TNR: variants seen among roughly 807,000 people sequenced by gnomAD.
TNR encodes the protein tenascin-R.
Under a neutral mutation model 150.4 loss-of-function variants are expected in TNR, and 45 were observed. The observed-to-expected ratio is 0.30, with a 90% CI of 0.24 to 0.38. TNR has a LOEUF of 0.38. Ranked by LOEUF, TNR falls within the 10% of genes least tolerant of loss-of-function variation. TNR has a pLI of 1.00. For synonymous variants in TNR, 687 were observed against 678.4 expected (o/e 1.01, Z -0.20); for missense variants, 1,544 against 1,759.1 (o/e 0.88, Z 2.19).
chr1:175,401,721 C>A lies in TNR; in HGVS notation c.976+1419G>T, dbSNP rs1011158488. Among the ~76,000 whole-genome samples the A allele has an allele frequency of 2.0e-5, 3 of 152,262 alleles. No homozygotes were observed. The South Asian group carries it at 6.2e-4, about 32-fold the overall frequency. On this transcript the variant is annotated intron_variant, in intron 4 of 22. Coordinates refer to ENST00000367674, the MANE Select transcript of TNR (RefSeq NM_003285.3). ...GCCTGCCACGTAGGAGTGAGTAACT[C>A]TGGCTTACAGAAGTCTGGTGAATCC...
In TNR at chr1:175,547,100, G is replaced by A. The variant is rs149042477; in HGVS notation, c.-164-18731C>T. On this transcript the variant is annotated intron_variant, in intron 1 of 22. Transcript: ENST00000367674. The stretch of plus-strand genomic sequence containing the variant: ...CCAGACAGGCACAGCATACACATTA[G>A]CTTTCTTATGTATGGCAGAGGTCCT... Among the ~76,000 whole-genome samples, 556 of 152,348 alleles carry A rather than the reference G, an allele frequency of 3.6e-3. 5 individuals carry two copies. Among genetic ancestry groups the A allele is most frequent in the Middle Eastern group, 0.017 (5 of 294 alleles).
rs114095843 is a variant in TNR, at chr1:175,538,223, G to A, written c.-164-9854C>T. ...AACCTGTGGAAAATGGGAAGGGGAGGTACAAGATCAAAGCAGAGAGTGGCC... is the reference window on the plus strand; with the variant it reads ...AACCTGTGGAAAATGGGAAGGGGAGATACAAGATCAAAGCAGAGAGTGGCC... On this transcript the variant is annotated intron_variant, in intron 1 of 22. Coordinates refer to ENST00000367674, the MANE Select transcript of TNR (RefSeq NM_003285.3). Among the ~76,000 whole-genome samples, 874 of 152,196 alleles carry A rather than the reference G, an allele frequency of 5.7e-3. 6 individuals carry two copies. The highest frequency in any genetic ancestry group is 0.02 in the African/African-American group (831 of 41,518).
intron 1 of TNR, among the ~76,000 whole-genome samples, chr1:175,721,397 T>C (rs1275350907): frequency 1.3e-5 from 2 of 152,172 alleles, no homozygotes; most frequent in African/African-American, 4.8e-5. Flanking sequence ...GCTCAACAAA[T>C]ATGTGTGGGC....
intron 1 of TNR, among the ~76,000 whole-genome samples, chr1:175,586,966 A>T (rs73050432): frequency 0.026 from 3,903 of 152,348 alleles, 157 homozygotes; most frequent in African/African-American, 0.088. Context: ...ACAGCCCATC[A>T]GTATTCTACA....
chr1:175,470,312 G>C (rs945656376), intron 2 of TNR, among the ~76,000 whole-genome samples: 2 of 151,982 alleles, frequency 1.3e-5, no homozygotes, highest in African/African-American at 4.8e-5. Flanking sequence ...ATGACATAGG[G>C]GGATCATCAG....
intron 1 of TNR, among the ~76,000 whole-genome samples, chr1:175,677,472 T>G (rs1437410460): frequency 1.3e-5 from 2 of 152,146 alleles, no homozygotes; most frequent in Admixed American, 1.3e-4. Context: ...CGAGGGACTC[T>G]CCCATCAGAG....
At chr1:175,383,989 C>T (rs1167403316) in intron 8 of TNR, among the ~76,000 whole-genome samples, 2 of 152,192 alleles carry the variant, frequency 1.3e-5, no homozygotes, top group Non-Finnish European at 2.9e-5. Context: ...TCATGGGGAG[C>T]TCCTAGGAGG....
intron 1 of TNR, among the ~76,000 whole-genome samples, chr1:175,697,785 TC>T: frequency 6.6e-6 from 1 of 151,960 alleles, no homozygotes; most frequent in East Asian, 1.9e-4. Flanking sequence ...CCCTCCTGAG[TC>T]CCCCCACATG....
At position 175,386,134 on chromosome 1, in the gene TNR, A is replaced by G; in HGVS notation, c.1675T>C (p.Tyr559His). 6.2e-7 allele frequency: 1 copy of G among 1,613,028 alleles called. No homozygotes were observed. The highest frequency in any genetic ancestry group is 8.5e-7 in the Non-Finnish European group (1 of 1,179,364). ...CCAGGCCGCAGGGCCTGCACTGAGTATTGGCTCAGGGGAGGCTGCAGCCGG... is the reference window on the plus strand; with the variant it reads ...CCAGGCCGCAGGGCCTGCACTGAGTGTTGGCTCAGGGGAGGCTGCAGCCGG... ...TFRLQPPLSQYSVQALRPGSR... is the reference protein window; with the variant it reads ...TFRLQPPLSQHSVQALRPGSR... Residue 559 changes from tyrosine (Y) to histidine (H), a missense_variant, in exon 8 of 23, where the codon TAC becomes CAC. Around this residue, in one of 2 missense-constraint regions of TNR, gnomAD observed 1,254 missense variants for 1,329.4 expected, o/e 0.94. Coordinates refer to ENST00000367674, the MANE Select transcript of TNR (RefSeq NM_003285.3).
At chr1:175,353,708 G>C (rs980550158) in intron 18 of TNR, among the ~76,000 whole-genome samples, 1 of 152,192 alleles carries the variant, frequency 6.6e-6, no homozygotes, top group East Asian at 1.9e-4. Context: ...GTTTAATGTT[G>C]AGGGTTTACT....
intron 19 of TNR, among the ~76,000 whole-genome samples, chr1:175,336,396 G>A (rs984157309): frequency 2.6e-5 from 4 of 152,352 alleles, no homozygotes; most frequent in African/African-American, 9.6e-5. Context: ...TCTCCCAAGA[G>A]TAGCTGTTAT....
At chr1:175,323,598 T>C in intron 22 of TNR, 122 bp from the exon 23 acceptor site, 4 of 1,403,892 alleles carry the variant, frequency 2.8e-6, no homozygotes, top group Non-Finnish European at 3.9e-6. Flanking sequence ...TCAGCTAACA[T>C]GAAGCTTCAA....
chr1:175,733,965 G>C lies in TNR; in HGVS notation c.-165+9261C>G, dbSNP rs532006712. The stretch of plus-strand genomic sequence containing the variant: ...CCAGGCCCACCAAGGGCAACTTCAT[G>C]GAGATAAGAGCTATCTTATTTGGTC... On this transcript the variant is annotated intron_variant, in intron 1 of 22. Coordinates refer to ENST00000367674, the MANE Select transcript of TNR (RefSeq NM_003285.3). Among the ~76,000 whole-genome samples, 12 of 152,256 alleles carry C rather than the reference G, an allele frequency of 7.9e-5. No homozygotes were observed. In the South Asian group the frequency reaches 2.5e-3, roughly 32 times the overall value.
intron 1 of TNR, among the ~76,000 whole-genome samples, chr1:175,563,872 C>G (rs1234297203): frequency 6.6e-6 from 1 of 152,196 alleles, no homozygotes; most frequent in South Asian, 2.1e-4. Context: ...TGTCTTACAG[C>G]TCTGTGTTTT....
chr1:175,486,264 T>A (rs1302086892), intron 2 of TNR, among the ~76,000 whole-genome samples: 1 of 152,112 alleles, frequency 6.6e-6, no homozygotes, highest in African/African-American at 2.4e-5. Context: ...CCTAGTGCTA[T>A]CCCTTCCCTA....
intron 9 of TNR, among the ~76,000 whole-genome samples, chr1:175,371,190 T>C (rs1652089247): frequency 6.6e-6 from 1 of 152,214 alleles, no homozygotes; most frequent in Non-Finnish European, 1.5e-5. Flanking sequence ...ATGCCCCCTT[T>C]ATCTCTCCAT....
chr1:175,579,918 G>C (rs960682313), intron 1 of TNR, among the ~76,000 whole-genome samples: 3 of 152,008 alleles, frequency 2.0e-5, no homozygotes, highest in Non-Finnish European at 4.4e-5. Flanking sequence ...TTTTTAAGGA[G>C]GCTATTGGTC....
intron 1 of TNR, among the ~76,000 whole-genome samples, chr1:175,558,718 G>T (rs1204226903): frequency 6.6e-6 from 1 of 152,086 alleles, no homozygotes; most frequent in Non-Finnish European, 1.5e-5. Flanking sequence ...TAGTTATTAT[G>T]TTTCCTCTTT....
intron 2 of TNR, among the ~76,000 whole-genome samples, chr1:175,508,151 G>A (rs1038799083): frequency 3.9e-5 from 6 of 152,106 alleles, no homozygotes; most frequent in Admixed American, 1.3e-4. Context: ...GGACAGATAC[G>A]TCATGTATGT....
Sources: allele counts gnomAD v4.1 joint callset (sites outside exome capture counted in the v4.1 genomes callset), GRCh38; gene constraint gnomAD v4.1.1; regional missense constraint gnomAD v4.1.1; transcripts MANE v1.5; gene names NCBI Gene and HGNC (gene_info 2026-07-23, HGNC 2026-07-21).